The following ANKS1B variants were observed in gnomAD, a reference collection of about 807,000 sequenced individuals.
ANKS1B encodes ankyrin repeat and sterile alpha motif domain containing 1B.
In ANKS1B, 36 loss-of-function variants were observed where a neutral mutation model predicts 148.3. The observed-to-expected ratio is 0.24, with a 90% CI of 0.19 to 0.32. The LOEUF (loss-of-function observed/expected upper bound fraction) is 0.32, where lower values mean the gene tolerates loss of function less well. Among genes scored for constraint, ANKS1B ranks in the 10% least tolerant of loss-of-function variants. ANKS1B has a pLI of 1.00. For synonymous variants in ANKS1B, 542 were observed against 560.8 expected, an observed-to-expected ratio of 0.97 and a Z score of 0.47; for missense variants, 1,157 against 1,542.6, an observed-to-expected ratio of 0.75 and a Z score of 4.19.
At chr12:98,889,118 T>G (rs1384028659) in intron 17 of ANKS1B, among the ~76,000 whole-genome samples, 1 of 152,196 alleles carries the variant, frequency 6.6e-6, no homozygotes, top group African/African-American at 2.4e-5. Context: ...CAGTACAAAT[T>G]CAATATCAAG....
chr12:99,505,924 C>A (rs538292198), intron 9 of ANKS1B, among the ~76,000 whole-genome samples: 1 of 152,162 alleles, frequency 6.6e-6, no homozygotes, highest in East Asian at 1.9e-4. Flanking sequence ...AGAACACTTA[C>A]ATTAGCGTAT....
chr12:99,598,597 TTAAAA>T (rs1419148221), intron 9 of ANKS1B, among the ~76,000 whole-genome samples: 1 of 151,940 alleles, frequency 6.6e-6, no homozygotes, highest in African/African-American at 2.4e-5. Flanking sequence ...CATACAGATG[TTAAAA>T]TAAACATAGC....
At chr12:99,279,067 T>G (rs2153997167) in intron 12 of ANKS1B, among the ~76,000 whole-genome samples, 1 of 152,274 alleles carries the variant, frequency 6.6e-6, no homozygotes, top group East Asian at 1.9e-4. Flanking sequence ...TGAAATGGTG[T>G]AGGCCCTCAC....
At chr12:99,188,108 A>G (rs1241919077) in intron 14 of ANKS1B, among the ~76,000 whole-genome samples, 1 of 152,234 alleles carries the variant, frequency 6.6e-6, no homozygotes, top group East Asian at 1.9e-4. Context: ...CGGGCATTAC[A>G]TAATGGTAAA....
chr12:99,517,801 T>C (rs1413561586), intron 9 of ANKS1B, among the ~76,000 whole-genome samples: 1 of 152,176 alleles, frequency 6.6e-6, no homozygotes, highest in Non-Finnish European at 1.5e-5. Context: ...GTTCCAGATC[T>C]TGGAGGAAAG....
At position 99,208,876 on chromosome 12, in the gene ANKS1B, A is replaced by G. The variant is rs150959192; in HGVS notation, c.2419+35466T>C. On this transcript the variant is annotated intron_variant, in intron 14 of 26. Transcript: ENST00000683438. ...TCTATAGCTTTCAGCAATGTGGTAA[A>G]GTATACTTTTGTGAACAAAAGTTAA... is the stretch of plus-strand genomic sequence containing the variant. Among the ~76,000 whole-genome samples, 291 of 152,304 alleles carry G rather than the reference A, an allele frequency of 1.9e-3. 2 individuals are homozygous for G. The highest frequency in any genetic ancestry group is 6.5e-3 in the African/African-American group (272 of 41,566).
downstream of ANKS1B, among the ~76,000 whole-genome samples, chr12:98,743,552 G>A (rs956876798): frequency 1.3e-5 from 2 of 152,150 alleles, no homozygotes; most frequent in Non-Finnish European, 2.9e-5. Context: ...GCCCCCTGCA[G>A]GCCTAGCCCT....
In ANKS1B at chr12:99,153,034, A is replaced by T. The variant is rs550143634; in HGVS notation, c.2526+1255T>A. ...TAACAGTAGCTGCATATATCAGTAT[A>T]AAAAAACCAACAAATCACTCATAAA... On this transcript the variant is annotated intron_variant, in intron 15 of 26. Coordinates refer to ENST00000683438, the MANE Select transcript of ANKS1B (RefSeq NM_001352186.2). Among the ~76,000 whole-genome samples the T allele has an allele frequency of 2.4e-4, 37 of 152,270 alleles. No homozygotes were observed. In the South Asian group the frequency reaches 7.5e-3, roughly 31 times the overall value.
intron 8 of ANKS1B, among the ~76,000 whole-genome samples, chr12:99,658,630 T>TC (rs2098461387): frequency 6.6e-6 from 1 of 152,170 alleles, no homozygotes; most frequent in Non-Finnish European, 1.5e-5. Flanking sequence ...CTCTACCACT[T>TC]CCAAGCTTTG....
intron 17 of ANKS1B, among the ~76,000 whole-genome samples, chr12:98,877,178 C>T (rs2099693383): frequency 6.6e-6 from 1 of 152,108 alleles, no homozygotes; most frequent in Non-Finnish European, 1.5e-5. Context: ...CCTAATGAGT[C>T]CCTCCTGTGA....
intron 10 of ANKS1B, among the ~76,000 whole-genome samples, chr12:99,496,488 A>C (rs2096605895): frequency 6.6e-6 from 1 of 152,244 alleles, no homozygotes; most frequent in African/African-American, 2.4e-5. Context: ...TCGCATAAAC[A>C]TGAGTCTTAG....
At chr12:99,364,991 A>G (rs1160608087) in intron 12 of ANKS1B, among the ~76,000 whole-genome samples, 7 of 152,224 alleles carry the variant, frequency 4.6e-5, no homozygotes, top group South Asian at 2.1e-4. Flanking sequence ...CACTGCATCA[A>G]TTGTAGAATA....
chr12:98,941,775 G>C (rs996717025), intron 17 of ANKS1B, among the ~76,000 whole-genome samples: 4 of 152,080 alleles, frequency 2.6e-5, no homozygotes, highest in African/African-American at 9.7e-5. Context: ...GTATAAGTAG[G>C]AAAATAAATA....
intron 1 of ANKS1B, among the ~76,000 whole-genome samples, chr12:99,893,646 C>A (rs1335991438): frequency 6.6e-6 from 1 of 152,088 alleles, no homozygotes; most frequent in Non-Finnish European, 1.5e-5. Flanking sequence ...TTCTTTTTGA[C>A]AAACTGTCTG....
In ANKS1B at chr12:99,958,494, C is replaced by T. The variant is rs964438280; in HGVS notation, c.134+25610G>A. On this transcript the variant is annotated intron_variant, in intron 1 of 26. Coordinates refer to ENST00000683438, the MANE Select transcript of ANKS1B (RefSeq NM_001352186.2). ...ACCTCCTGGGCTCAAGTGATCCTCC[C>T]ACCTCAGCCCCCCAAGTAGCTGGGA... Among the ~76,000 whole-genome samples, 8 of 152,094 alleles carry T rather than the reference C, an allele frequency of 5.3e-5. 1 individual carries two copies. The East Asian group carries it at 9.7e-4, about 18-fold the overall frequency.
chr12:99,850,281 G>GTCTCTCCCTCTCCCTCTCTCTCTC (rs57015094), intron 1 of ANKS1B, among the ~76,000 whole-genome samples: 2 of 114,206 alleles, frequency 1.8e-5, no homozygotes, highest in African/African-American at 7.2e-5. Context: ...AAGCAAGAAA[G>GTCTCTCCCTCTCCCTCTCTCTCTC]TCTCTCTCTC....
At chr12:99,288,296 C>T (rs1038289867) in intron 12 of ANKS1B, among the ~76,000 whole-genome samples, 1 of 151,980 alleles carries the variant, frequency 6.6e-6, no homozygotes, top group African/African-American at 2.4e-5. Flanking sequence ...ATGCTTTTAT[C>T]CTAGAATAAC....
intron 15 of ANKS1B, among the ~76,000 whole-genome samples, chr12:99,123,580 A>T (rs2063510669): frequency 6.6e-6 from 1 of 152,210 alleles, no homozygotes; most frequent in Non-Finnish European, 1.5e-5. Context: ...CAAGTCCCCA[A>T]ACCTCAAAAG....
chr12:98,948,431 T>G (rs992251096), intron 17 of ANKS1B, among the ~76,000 whole-genome samples: 4 of 152,210 alleles, frequency 2.6e-5, no homozygotes, highest in African/African-American at 9.6e-5. Context: ...ATTTTAAGAA[T>G]GAAGAAACTG....
Sources: gnomAD v4.1 joint callset for allele counts (sites outside exome capture counted in the v4.1 genomes callset) on GRCh38, gnomAD v4.1.1 for gene constraint, MANE v1.5 for transcripts, NCBI Gene and HGNC (gene_info 2026-07-23, HGNC 2026-07-21) for gene names.